FBXW7: variants seen among roughly 807,000 people sequenced by gnomAD.
The protein encoded by FBXW7 is F-box/WD repeat-containing protein 7.
In FBXW7, 11 loss-of-function variants were observed where a neutral mutation model predicts 86.3. That is an observed-to-expected ratio of 0.13 (90% confidence interval 0.08 to 0.21). FBXW7 has a LOEUF of 0.21. FBXW7 is among the 10% of genes least tolerant of loss of function. The pLI is 1.00. For missense variants in FBXW7, 488 were observed against 847.4 expected, an observed-to-expected ratio of 0.58 and a Z score of 5.27; for synonymous variants, 313 against 297.9, an observed-to-expected ratio of 1.05 and a Z score of -0.52.
At chr4:152,519,307 T>A (rs920039839) in intron 2 of FBXW7, among the ~76,000 whole-genome samples, 2 of 145,518 alleles carry the variant, frequency 1.4e-5, no homozygotes, top group Non-Finnish European at 1.5e-5. Context: ...CAAAAATAAA[T>A]AAATAAATAA....
At chr4:152,409,158 G>C (rs1737706670) in intron 4 of FBXW7, among the ~76,000 whole-genome samples, 1 of 152,122 alleles carries the variant, frequency 6.6e-6, no homozygotes, top group Non-Finnish European at 1.5e-5. Flanking sequence ...ATTCAGTCTA[G>C]CTGTCCACAG....
chr4:152,484,961 CAAAA>C (rs369258930), intron 2 of FBXW7, among the ~76,000 whole-genome samples: 1 of 102,964 alleles, frequency 9.7e-6, no homozygotes. Context: ...GACTCTGTCT[CAAAA>C]AAAAAAAAAA....
At chr4:152,487,872 C>T (rs761407428) in intron 2 of FBXW7, among the ~76,000 whole-genome samples, 1 of 151,840 alleles carries the variant, frequency 6.6e-6, no homozygotes, top group Non-Finnish European at 1.5e-5. Flanking sequence ...TTAAAACAAC[C>T]GTTTTGAAGA....
At chr4:152,515,183 G>A (rs898211868) in intron 2 of FBXW7, among the ~76,000 whole-genome samples, 3 of 152,038 alleles carry the variant, frequency 2.0e-5, no homozygotes, top group African/African-American at 7.2e-5. Flanking sequence ...AAAGAAACTA[G>A]GATTTCTCTA....
chr4:152,456,360 TAAAAAAAAAAAAAAAA>T (rs58250889), intron 2 of FBXW7, among the ~76,000 whole-genome samples: 3 of 72,122 alleles, frequency 4.2e-5, no homozygotes, highest in Non-Finnish European at 5.5e-5. Flanking sequence ...AAAAAATCCT[TAAAAAAAAAAAAAAAA>T]AAAAAAAAAA....
intron 4 of FBXW7, among the ~76,000 whole-genome samples, chr4:152,357,638 A>G (rs1437818256): frequency 6.6e-6 from 1 of 152,038 alleles, no homozygotes; most frequent in Non-Finnish European, 1.5e-5. Context: ...TTAATTCTTG[A>G]AGTTTAAGCT....
chr4:152,453,979 A>C (rs80120139), intron 2 of FBXW7, among the ~76,000 whole-genome samples: 1 of 152,128 alleles, frequency 6.6e-6, no homozygotes, highest in East Asian at 1.9e-4. Flanking sequence ...AATTCCAGAC[A>C]TCACGTCATT....
At chr4:152,376,679 T>C (rs985880568) in intron 4 of FBXW7, among the ~76,000 whole-genome samples, 5 of 152,098 alleles carry the variant, frequency 3.3e-5, no homozygotes, top group Non-Finnish European at 5.9e-5. Context: ...TAAGAGGTCC[T>C]ATGAGAGGTG....
chr4:152,337,630 A>T, intron 7 of FBXW7, 172 bp downstream of exon 7: 1 of 565,150 alleles, frequency 1.8e-6, no homozygotes, highest in Non-Finnish European at 3.0e-6. Context: ...TCTGACAATT[A>T]CATTATTAAG....
intron 2 of FBXW7, among the ~76,000 whole-genome samples, chr4:152,438,237 T>C (rs959369632): frequency 1.3e-4 from 20 of 152,356 alleles, no homozygotes; most frequent in African/African-American, 3.8e-4. Flanking sequence ...CAGAATGCTA[T>C]TGCATACTTA....
At chr4:152,361,703 T>C (rs1321489080) in intron 4 of FBXW7, among the ~76,000 whole-genome samples, 2 of 152,086 alleles carry the variant, frequency 1.3e-5, no homozygotes, top group African/African-American at 4.8e-5. Flanking sequence ...TTGACAGGCA[T>C]GGTGGCTCAC....
intron 2 of FBXW7, among the ~76,000 whole-genome samples, chr4:152,487,952 C>T (rs1462869351): frequency 6.6e-6 from 1 of 151,972 alleles, no homozygotes; most frequent in East Asian, 1.9e-4. Flanking sequence ...AGCAAATTGG[C>T]ACTTCCAAAA....
chr4:152,375,305 A>G (rs1734397457), intron 4 of FBXW7, among the ~76,000 whole-genome samples: 1 of 152,112 alleles, frequency 6.6e-6, no homozygotes, highest in African/African-American at 2.4e-5. Context: ...TCAGAAATGT[A>G]AAAGTATAAT....
chr4:152,464,245 T>C (rs1743211790), intron 2 of FBXW7, among the ~76,000 whole-genome samples: 2 of 151,990 alleles, frequency 1.3e-5, no homozygotes, highest in African/African-American at 2.4e-5. Flanking sequence ...ACCTTGGAGA[T>C]AATGGGAAGG....
At chr4:152,332,763 A>C in intron 7 of FBXW7, 44 bp from the exon 8 acceptor site, 1 of 877,154 alleles carries the variant, frequency 1.1e-6, no homozygotes, top group East Asian at 5.8e-5. Flanking sequence ...TTAAATAAAT[A>C]TATATATTAT....
intron 4 of FBXW7, among the ~76,000 whole-genome samples, chr4:152,400,835 C>G (rs1490416356): frequency 6.6e-6 from 1 of 152,084 alleles, no homozygotes; most frequent in Non-Finnish European, 1.5e-5. Context: ...CGATTGTTAT[C>G]CAAAATATAC....
intron 2 of FBXW7, among the ~76,000 whole-genome samples, chr4:152,523,296 G>A (rs1191355953): frequency 1.3e-5 from 2 of 151,298 alleles, no homozygotes; most frequent in Non-Finnish European, 2.9e-5. Flanking sequence ...CAATTTAATT[G>A]GAGAGACCAA....
chr4:152,347,177 G>C, intron 5 of FBXW7, 106 bp from the exon 6 acceptor site: 2 of 923,716 alleles, frequency 2.2e-6, no homozygotes, highest in Non-Finnish European at 3.2e-6. Flanking sequence ...AAAGAATGAT[G>C]ATCTGGCATA....
intron 2 of FBXW7, among the ~76,000 whole-genome samples, chr4:152,426,516 G>A (rs1464419976): frequency 6.6e-6 from 1 of 151,994 alleles, no homozygotes; most frequent in Non-Finnish European, 1.5e-5. Context: ...TGCCCAGCTA[G>A]TTTTTGCATT....
Sources: allele counts gnomAD v4.1 joint callset (sites outside exome capture counted in the v4.1 genomes callset), GRCh38; gene constraint gnomAD v4.1.1; transcripts MANE v1.5; gene names NCBI Gene and HGNC (gene_info 2026-07-23, HGNC 2026-07-21).